The following ATP6V0A1 variants were observed in gnomAD, a reference collection of about 807,000 sequenced individuals.
ATP6V0A1 encodes V-type proton ATPase 116 kDa subunit a 1.
In ATP6V0A1, 43 loss-of-function variants were observed where a neutral mutation model predicts 105.4. The observed-to-expected ratio is 0.41, with a 90% CI of 0.32 to 0.53. The LOEUF (loss-of-function observed/expected upper bound fraction) is 0.53, where lower values mean the gene tolerates loss of function less well. Among genes scored for constraint, ATP6V0A1 ranks in the 20% least tolerant of loss-of-function variants. ATP6V0A1 has a pLI of 0.30. For synonymous variants in ATP6V0A1, 362 were observed against 372.8 expected (o/e 0.97, Z 0.33); for missense variants, 676 against 1,051.1 (o/e 0.64, Z 4.93).
chr17:42,516,301 G>A (rs926767864), intron 21 of ATP6V0A1, among the ~76,000 whole-genome samples: 1 of 152,142 alleles, frequency 6.6e-6, no homozygotes, highest in African/African-American at 2.4e-5. Context: ...TCTGAATGAT[G>A]GGCGGAGAGT....
rs151297154 is a variant in ATP6V0A1, at chr17:42,483,716, G to T, written c.810+585G>T. Among the ~76,000 whole-genome samples, 543 of 152,238 alleles carry T rather than the reference G, an allele frequency of 3.6e-3. 7 individuals are homozygous for T. The highest frequency in any genetic ancestry group is 0.012 in the African/African-American group (509 of 41,538). Reference sequence around the variant, plus strand: ...CCTGCCTCATCCTCCCAAGTAGCTGGGATGACAAGCATGTGCCACTAAACC... The same window carrying T: ...CCTGCCTCATCCTCCCAAGTAGCTGTGATGACAAGCATGTGCCACTAAACC... On this transcript the variant is annotated intron_variant, in intron 9 of 21. Transcript: ENST00000343619.
chr17:42,486,287 T>A (rs2090103995), intron 9 of ATP6V0A1, among the ~76,000 whole-genome samples: 1 of 151,964 alleles, frequency 6.6e-6, no homozygotes, highest in Non-Finnish European at 1.5e-5. Context: ...GGCGCGCGCC[T>A]GTAATCCCAG....
In ATP6V0A1 at chr17:42,465,451, C is replaced by T. The variant is rs142464707; in HGVS notation, c.118-978C>T. Among the ~76,000 whole-genome samples, 8 of 151,162 alleles carry T rather than the reference C, an allele frequency of 5.3e-5. No homozygotes were observed. The East Asian group carries it at 6.0e-4, about 11-fold the overall frequency. On this transcript the variant is annotated intron_variant, in intron 2 of 21. Transcript: ENST00000343619. ...GATTACAGATGTACACTACCATGCC[C>T]GGCTAATTTTGTATTTTTAGTAGAG...
intron 14 of ATP6V0A1, among the ~76,000 whole-genome samples, chr17:42,498,475 A>G (rs1278655217): frequency 6.6e-6 from 1 of 152,140 alleles, no homozygotes; most frequent in Non-Finnish European, 1.5e-5. Context: ...TTGTTGTACC[A>G]TCCTGTCTGC....
chr17:42,507,345 T>C (rs1599067225), intron 17 of ATP6V0A1, 175 bp from the exon 18 acceptor site: 2 of 531,902 alleles, frequency 3.8e-6, no homozygotes, highest in Non-Finnish European at 6.7e-6. Context: ...GGGGAGGCGG[T>C]GGTTGGGGTG....
At chr17:42,469,507 G>C (rs1359030241) in intron 4 of ATP6V0A1, among the ~76,000 whole-genome samples, 2 of 149,368 alleles carry the variant, frequency 1.3e-5, no homozygotes, top group African/African-American at 4.9e-5. Context: ...ATTTTTTTTT[G>C]TATTTTTAGT....
intron 19 of ATP6V0A1, among the ~76,000 whole-genome samples, chr17:42,509,597 T>C (rs2092244349): frequency 6.6e-6 from 1 of 152,238 alleles, no homozygotes; most frequent in South Asian, 2.1e-4. Context: ...ATGCAGTCCC[T>C]GGCTGAGCTA....
At chr17:42,520,166 A>G (rs973204013) in intron 21 of ATP6V0A1, 1 of 327,920 alleles carries the variant, frequency 3.0e-6, no homozygotes, top group African/African-American at 2.2e-5. Context: ...CCAGGGTCAC[A>G]CAGCACCATG....
At chr17:42,461,823 T>C (rs1271549859) in intron 2 of ATP6V0A1, among the ~76,000 whole-genome samples, 3 of 151,988 alleles carry the variant, frequency 2.0e-5, no homozygotes, top group African/African-American at 7.3e-5. Context: ...CAGTTCTTCA[T>C]CTGGTCCTAT....
At chr17:42,493,264 T>C (rs1369653383) in intron 11 of ATP6V0A1, among the ~76,000 whole-genome samples, 1 of 152,216 alleles carries the variant, frequency 6.6e-6, no homozygotes, top group Non-Finnish European at 1.5e-5. Flanking sequence ...AATTATTAAA[T>C]CAAGAGTGTG....
At chr17:42,498,584 T>C (rs945828440) in intron 14 of ATP6V0A1, among the ~76,000 whole-genome samples, 2 of 151,954 alleles carry the variant, frequency 1.3e-5, no homozygotes, top group Non-Finnish European at 2.9e-5. Flanking sequence ...TCCCAGCACT[T>C]TGGGAGGCTG....
chr17:42,512,741 C>T (rs912343162), intron 19 of ATP6V0A1, among the ~76,000 whole-genome samples: 3 of 152,212 alleles, frequency 2.0e-5, no homozygotes, highest in Non-Finnish European at 4.4e-5. Context: ...TCAGTGATTT[C>T]CCAAGGCATT....
At chr17:42,500,566 A>T in intron 15 of ATP6V0A1, 141 bp from the exon 16 acceptor site, 2 of 668,016 alleles carry the variant, frequency 3.0e-6, no homozygotes, top group Non-Finnish European at 5.1e-6. Context: ...TGTTGTCTCC[A>T]GCTTCTGGTT....
intron 21 of ATP6V0A1, among the ~76,000 whole-genome samples, chr17:42,517,411 G>A (rs1232855346): frequency 6.6e-6 from 1 of 152,216 alleles, no homozygotes; most frequent in Non-Finnish European, 1.5e-5. Flanking sequence ...AGGAGGCAGA[G>A]GATACCATCA....
chr17:42,482,165 G>T (rs1385207191), intron 8 of ATP6V0A1, among the ~76,000 whole-genome samples: 2 of 151,388 alleles, frequency 1.3e-5, no homozygotes, highest in African/African-American at 4.9e-5. Flanking sequence ...TTTTTGTTTT[G>T]AGGCAGGGTC....
intron 13 of ATP6V0A1, 51 bp downstream of exon 13, chr17:42,495,239 C>T: frequency 6.3e-7 from 1 of 1,580,474 alleles, no homozygotes; most frequent in Non-Finnish European, 8.7e-7. Context: ...TCATGTGCAG[C>T]CCTGATTTTT....
chr17:42,476,696 C>T (rs756735857), intron 5 of ATP6V0A1, among the ~76,000 whole-genome samples: 5 of 152,038 alleles, frequency 3.3e-5, no homozygotes, highest in Non-Finnish European at 5.9e-5. Context: ...TGTAGACCTG[C>T]GTGTGGGAAG....
At chr17:42,475,686 C>T (rs1383624847) in intron 5 of ATP6V0A1, among the ~76,000 whole-genome samples, 1 of 152,134 alleles carries the variant, frequency 6.6e-6, no homozygotes, top group African/African-American at 2.4e-5. Flanking sequence ...CTTTAAAGGC[C>T]TTCAGTTAGT....
chr17:42,518,190 T>C (rs1358253486), intron 21 of ATP6V0A1: 1 of 152,264 alleles, frequency 6.6e-6, no homozygotes, highest in African/African-American at 2.4e-5. Context: ...CCCCAGGGCA[T>C]ACCTTCCAAG....
Sources: gnomAD v4.1 joint callset for allele counts (sites outside exome capture counted in the v4.1 genomes callset) on GRCh38, gnomAD v4.1.1 for gene constraint, MANE v1.5 for transcripts, NCBI Gene and HGNC (gene_info 2026-07-23, HGNC 2026-07-21) for gene names.